Variants in ACSBG1 observed in about 807,000 individuals in gnomAD.
ACSBG1 encodes the protein long-chain-fatty-acid--CoA ligase ACSBG1.
A neutral mutation model predicts 80.2 loss-of-function variants in ACSBG1; 39 were observed. That is an observed-to-expected ratio of 0.49 (90% CI 0.38 to 0.64). The LOEUF is 0.64. Ranked by LOEUF, ACSBG1 falls within the 30% of genes least tolerant of loss-of-function variation. The probability of loss-of-function intolerance (pLI) is 0.00; values close to 1 mark genes in which losing one functional copy is unlikely to be tolerated. For synonymous variants in ACSBG1, 392 were observed against 379.5 expected (o/e 1.03, Z -0.38); for missense variants, 828 against 966.4 (o/e 0.86, Z 1.90).
intron 1 of ACSBG1, among the ~76,000 whole-genome samples, chr15:78,217,025 C>T (rs1173737163): frequency 6.6e-6 from 1 of 152,208 alleles, no homozygotes; most frequent in Non-Finnish European, 1.5e-5. Flanking sequence ...TCTGTTTCCT[C>T]AGATATCACA....
rs2074840960 is a variant in ACSBG1, at chr15:78,172,959, C to A, written c.2089+634G>T. 1.3e-5 allele frequency among the ~76,000 whole-genome samples: 2 copies of A among 152,208 alleles called. No homozygotes were observed. The highest frequency in any genetic ancestry group is 4.1e-4 in the South Asian group (2 of 4,834). ...ACTCCAGGCTGAACACTAGCAGGGC[C>A]TTGGTGTTGGCCTGGTAGTTCCATT... On this transcript the variant is annotated intron_variant, in intron 13 of 13. Coordinates refer to ENST00000258873, the MANE Select transcript of ACSBG1 (RefSeq NM_015162.5). The surrounding 1 kb of genome is among the most constrained non-coding windows in gnomAD (Gnocchi z 4.1).
At chr15:78,225,447 A>ATT in intron 1 of ACSBG1, among the ~76,000 whole-genome samples, 1 of 151,402 alleles carries the variant, frequency 6.6e-6, no homozygotes, top group African/African-American at 2.4e-5. Flanking sequence ...ATAAATTAAA[A>ATT]AATAAAATAA....
intron 2 of ACSBG1, among the ~76,000 whole-genome samples, chr15:78,197,025 C>A (rs1305364076): frequency 6.6e-6 from 1 of 151,850 alleles, no homozygotes; most frequent in African/African-American, 2.4e-5. Context: ...GATTGCACCA[C>A]TGCACTCCAG....
chr15:78,226,299 G>A (rs755461503), intron 1 of ACSBG1, among the ~76,000 whole-genome samples: 16 of 152,078 alleles, frequency 1.1e-4, no homozygotes, highest in African/African-American at 3.1e-4. Context: ...TCCAGCCCAC[G>A]TTCTAGGGTA....
At chr15:78,207,748 G>T in intron 2 of ACSBG1, 1 of 513,718 alleles carries the variant, frequency 1.9e-6, no homozygotes, top group Non-Finnish European at 3.5e-6. Flanking sequence ...CTCTATCTCT[G>T]GCCTCTCTTC....
intron 5 of ACSBG1, among the ~76,000 whole-genome samples, chr15:78,189,930 C>G (rs1749216283): frequency 6.6e-6 from 1 of 151,146 alleles, no homozygotes; most frequent in South Asian, 2.1e-4. Flanking sequence ...TATAAAAGAA[C>G]AAACAGAATA....
chr15:78,198,125 C>T (rs963010070), intron 2 of ACSBG1, among the ~76,000 whole-genome samples: 2 of 152,188 alleles, frequency 1.3e-5, no homozygotes, highest in Non-Finnish European at 2.9e-5. Flanking sequence ...CAACCTCCAC[C>T]TCCTGGGTTC....
At chr15:78,229,138 T>A in intron 1 of ACSBG1, among the ~76,000 whole-genome samples, 1 of 152,184 alleles carries the variant, frequency 6.6e-6, no homozygotes, top group East Asian at 1.9e-4. Flanking sequence ...TAATTATTTG[T>A]TAATGTCTGT....
Position 78,212,909 on chromosome 15 carries a change from G to A in ACSBG1, c.132-4807C>T, listed in dbSNP as rs149846521. Among the ~76,000 whole-genome samples, 235 of 152,246 alleles carry A rather than the reference G, an allele frequency of 1.5e-3. 2 individuals are homozygous for A. The highest frequency in any genetic ancestry group is 5.3e-3 in the African/African-American group (221 of 41,542). The stretch of plus-strand genomic sequence containing the variant: ...ATGCCTCGCAGGAGGTGGCTGCCTT[G>A]GGGCTGTGGTCTCCATTCCCCACAG... On this transcript the variant is annotated intron_variant, in intron 1 of 13. Coordinates refer to ENST00000258873, the MANE Select transcript of ACSBG1 (RefSeq NM_015162.5).
intron 1 of ACSBG1, among the ~76,000 whole-genome samples, chr15:78,230,084 G>A (rs555297441): frequency 6.6e-5 from 10 of 152,306 alleles, no homozygotes; most frequent in East Asian, 5.8e-4. Flanking sequence ...CAGGGAGACC[G>A]GTGTCTCCAC....
At chr15:78,198,600 G>A (rs898570528) in intron 2 of ACSBG1, among the ~76,000 whole-genome samples, 2 of 151,940 alleles carry the variant, frequency 1.3e-5, no homozygotes, top group African/African-American at 4.8e-5. Flanking sequence ...TGCCTGCCTC[G>A]GCCTCCCAAA....
chr15:78,226,914 T>G (rs1188542072), intron 1 of ACSBG1, among the ~76,000 whole-genome samples: 9 of 149,670 alleles, frequency 6.0e-5, no homozygotes, highest in Admixed American at 2.0e-4. Context: ...AAAAAAAAAT[T>G]TGCTCATCAA....
intron 2 of ACSBG1, among the ~76,000 whole-genome samples, chr15:78,201,291 G>A (rs1460234011): frequency 6.6e-6 from 1 of 152,210 alleles, no homozygotes; most frequent in East Asian, 1.9e-4. Flanking sequence ...GTCCCAGGAG[G>A]GCTGGAGACC....
In ACSBG1 at chr15:78,182,711, C is replaced by T; in HGVS notation, c.738G>A (p.Val246=). The change falls in exon 6 of 14, where the codon GTG becomes GTA. Residue 246 remains valine, a synonymous_variant. Transcript: ENST00000258873. ...AGGGCCCCACTGCCCATACCGTGTA[C>T]ACATTGGCCATCTTGTTTGGAGGAG... ...KEPPPNKMAN[V]YTMEEFMELG... is the part of the protein sequence containing the mutation. The T allele has an allele frequency of 6.2e-7, 1 of 1,614,262 alleles. No homozygotes were observed.
rs367775462 is a variant in ACSBG1 at position 78,212,330 on chromosome 15, T to G, written c.132-4228A>C. On this transcript the variant is annotated intron_variant, in intron 1 of 13. Transcript: ENST00000258873. ...GAGAAGGTGATATATAAGAAGTGCTTAGTACGTAGTCAGCTCTCATCATTA... is the reference window on the plus strand; with the variant it reads ...GAGAAGGTGATATATAAGAAGTGCTGAGTACGTAGTCAGCTCTCATCATTA... 3.3e-5 allele frequency among the ~76,000 whole-genome samples: 5 copies of G among 152,230 alleles called. No individual in the cohort carries two copies. The East Asian group carries it at 7.7e-4, about 24-fold the overall frequency.
In ACSBG1 at chr15:78,182,029, G is replaced by A. The variant is rs547839087; in HGVS notation, c.1011C>T (p.Asp337=). The change falls in exon 8 of 14, where the codon GAC becomes GAT. Residue 337 remains aspartate, a synonymous_variant. Coordinates refer to ENST00000258873, the MANE Select transcript of ACSBG1 (RefSeq NM_015162.5). The part of the protein sequence containing the change: ...PLSHIAAQIY[D]LWTGIQWGAQ... Reference sequence around the variant, plus strand: ...CCCCCCACTGGATGCCTGTCCACAGGTCGTAGATCTGGGCGGCAATATGGC... The same window carrying A: ...CCCCCCACTGGATGCCTGTCCACAGATCGTAGATCTGGGCGGCAATATGGC... 1 of 1,614,174 alleles carries A rather than the reference G, an allele frequency of 6.2e-7. No individual in the cohort carries two copies. The highest frequency in any genetic ancestry group is 2.2e-5 in the East Asian group (1 of 44,882).
At chr15:78,194,785 C>T in intron 2 of ACSBG1, 59 bp from the exon 3 acceptor site, 1 of 1,552,106 alleles carries the variant, frequency 6.4e-7, no homozygotes. Context: ...CTTGTCCTGC[C>T]CTGGGCAGAG....
intron 8 of ACSBG1, 41 bp from the exon 9 acceptor site, chr15:78,180,977 A>T: frequency 6.3e-7 from 1 of 1,593,176 alleles, no homozygotes; most frequent in East Asian, 2.2e-5. Context: ...GGTCAGGGGC[A>T]TCTGGGGCCC....
chr15:78,232,976 T>C (rs1467538130), intron 1 of ACSBG1, among the ~76,000 whole-genome samples: 2 of 152,210 alleles, frequency 1.3e-5, no homozygotes, highest in Non-Finnish European at 2.9e-5. Flanking sequence ...CCATCATGCA[T>C]GGCCTCTGGA....
Sources: gnomAD v4.1 joint callset for allele counts (sites outside exome capture counted in the v4.1 genomes callset) on GRCh38, gnomAD v4.1.1 for gene constraint, Gnocchi (gnomAD v3.1) non-coding constraint, MANE v1.5 for transcripts, NCBI Gene and HGNC (gene_info 2026-07-23, HGNC 2026-07-21) for gene names.